The following SKP2 variants were observed in gnomAD, a reference collection of about 807,000 sequenced individuals.
SKP2 encodes the protein S-phase kinase-associated protein 2.
SKP2 carries 16 observed loss-of-function variants against 51.8 expected under a neutral mutation model. The observed-to-expected ratio is 0.31, with a 90% CI of 0.21 to 0.47. SKP2 has a LOEUF of 0.47. Among genes scored for constraint, SKP2 ranks in the 20% least tolerant of loss-of-function variants. The pLI, the probability that SKP2 is intolerant of heterozygous loss-of-function variation, is 1.00. For missense variants in SKP2, 377 were observed against 505.3 expected, an observed-to-expected ratio of 0.75 and a Z score of 2.43; for synonymous variants, 176 against 198.6, an observed-to-expected ratio of 0.89 and a Z score of 0.96.
At chr5:36,162,691 T>C (rs1374719686) in intron 2 of SKP2, among the ~76,000 whole-genome samples, 1 of 152,216 alleles carries the variant, frequency 6.6e-6, no homozygotes, top group African/African-American at 2.4e-5. Flanking sequence ...TACCCTTTTG[T>C]ATTGCTCTTT....
chr5:36,182,850 T>G lies in SKP2; in HGVS notation c.*819T>G. On this transcript the variant is annotated 3_prime_UTR_variant, in exon 10 of 10. Transcript: ENST00000274255. ...TCCTTTAGCTTTTAAAATGACTTGC[T>G]TTGTTTTAGAAAGGTGGTATTAATC... is the stretch of plus-strand genomic sequence containing the variant. 1 of 984,972 alleles carries G rather than the reference T, an allele frequency of 1.0e-6. No homozygotes were observed. The allele number at this position is 984,972 out of a possible 1,614,324, so 61.0% of individuals were successfully genotyped here.
chr5:36,178,991 A>C (rs529168562), intron 9 of SKP2, among the ~76,000 whole-genome samples: 6 of 152,208 alleles, frequency 3.9e-5, no homozygotes, highest in African/African-American at 1.4e-4. Flanking sequence ...GAAGTCACAG[A>C]CCTGTTGTGA....
At chr5:36,186,819 T>G (rs2112023410), downstream of SKP2, among the ~76,000 whole-genome samples, 1 of 152,330 alleles carries the variant, frequency 6.6e-6, no homozygotes, top group South Asian at 2.1e-4. Flanking sequence ...GAAGGAATGG[T>G]ACCAGCTCCT....
intron 2 of SKP2, among the ~76,000 whole-genome samples, chr5:36,158,533 T>C (rs1745023684): frequency 6.6e-6 from 1 of 152,230 alleles, no homozygotes; most frequent in Admixed American, 6.5e-5. Context: ...GTGTGTTTTC[T>C]AGGACCTTGC....
At position 36,171,623 on chromosome 5, in the gene SKP2, C is replaced by T; in HGVS notation, c.791C>T (p.Ser264Phe). Residue 264 changes from serine to phenylalanine, a missense_variant, in exon 7 of 10, where the codon TCC becomes TTC. Coordinates refer to ENST00000274255, the MANE Select transcript of SKP2 (RefSeq NM_005983.4). ...SCSRLDELNL[S>F]WCFDFTEKHV... ...TGCAGACTGGATGAGCTGAACCTCT[C>T]CTGGTGTTTTGATTTCACTGAAAAG... 6.2e-7 allele frequency: 1 copy of T among 1,613,806 alleles called. No homozygotes were observed. The highest frequency in any genetic ancestry group is 8.5e-7 in the Non-Finnish European group (1 of 1,179,752).
Position 36,183,063 on chromosome 5 carries a change from A to C in SKP2, c.*1032A>C. On this transcript the variant is annotated 3_prime_UTR_variant, in exon 10 of 10. Coordinates refer to ENST00000274255, the MANE Select transcript of SKP2 (RefSeq NM_005983.4). ...ATCCATATATAAGGTTATCAGACCT[A>C]CAGTTCCCTAAGAGGAACTGCATGT... 1.0e-6 allele frequency: 1 copy of C among 969,750 alleles called. No homozygotes were observed. The highest frequency in any genetic ancestry group is 1.2e-6 in the Non-Finnish European group (1 of 815,688). The allele number at this position is 969,750 out of a possible 1,614,324, so 60.1% of individuals were successfully genotyped here. A position where few individuals can be genotyped will look rare whatever the true frequency, so the allele number is the denominator to read the frequency against.
Position 36,176,960 on chromosome 5 carries a change from C to G in SKP2, c.902-5C>G. On this transcript the variant is annotated splice_polypyrimidine_tract_variant and splice_region_variant and intron_variant, in intron 7 of 9. Coordinates refer to ENST00000274255, the MANE Select transcript of SKP2 (RefSeq NM_005983.4). The stretch of plus-strand genomic sequence containing the variant: ...GTGACCATCATGTTTTTTTGCTTTT[C>G]CTAGATCTCTCTACTTTAGTTAGAA... The G allele has an allele frequency of 6.3e-7, 1 of 1,580,950 alleles. No individual in the cohort carries two copies. The highest frequency in any genetic ancestry group is 2.2e-5 in the East Asian group (1 of 44,656).
At chr5:36,191,837 A>AAAG (rs1746031310) in intron 6 of SKP2, among the ~76,000 whole-genome samples, 1 of 149,494 alleles carries the variant, frequency 6.7e-6, no homozygotes, top group Non-Finnish European at 1.5e-5. Context: ...CCAGAAAATC[A>AAAG]AAGTTTTCTT....
chr5:36,152,121 G>A lies in SKP2; in HGVS notation c.-142G>A. ...GAGCCTTGCGCGCGCAGTGGGGATG[G>A]AACGTTGCTAGGCTTAGCGGGTCTG... is the stretch of plus-strand genomic sequence containing the variant. On this transcript the variant is annotated 5_prime_UTR_variant, in exon 1 of 10. Coordinates refer to ENST00000274255, the MANE Select transcript of SKP2 (RefSeq NM_005983.4). 2.4e-6 allele frequency: 2 copies of A among 827,708 alleles called. No homozygotes were observed. The highest frequency in any genetic ancestry group is 2.0e-6 in the Non-Finnish European group (1 of 492,736). 51.3% of individuals were successfully genotyped at this position (827,708 alleles called of 1,614,324 possible).
intron 5 of SKP2, among the ~76,000 whole-genome samples, chr5:36,170,141 A>G (rs533474974): frequency 6.6e-6 from 1 of 152,292 alleles, no homozygotes; most frequent in African/African-American, 2.4e-5. Flanking sequence ...TAACTCTGCC[A>G]AGAAGTTTGA....
intron 7 of SKP2, among the ~76,000 whole-genome samples, chr5:36,172,771 G>A (rs776475684): frequency 1.3e-5 from 2 of 152,064 alleles, no homozygotes; most frequent in Admixed American, 6.6e-5. Context: ...GTAGAAATTC[G>A]AGTCTTTCAC....
At position 36,183,397 on chromosome 5, in the gene SKP2, G is replaced by A. The variant is rs1343022069; in HGVS notation, c.*1366G>A. 4.2e-6 allele frequency: 1 copy of A among 240,080 alleles called. No homozygotes were observed. The highest frequency in any genetic ancestry group is 6.7e-6 in the Non-Finnish European group (1 of 148,954). The allele number at this position is 240,080 out of a possible 1,614,324, so 14.9% of individuals were successfully genotyped here. On this transcript the variant is annotated 3_prime_UTR_variant, in exon 10 of 10. Coordinates refer to ENST00000274255, the MANE Select transcript of SKP2 (RefSeq NM_005983.4). ...TTCTCCTGCCTCAGCCTCCCGACTA[G>A]CTGGGACTACAGGCGCCCACCACCA...
At chr5:36,154,651 C>T (rs1184337888) in intron 2 of SKP2, among the ~76,000 whole-genome samples, 1 of 152,202 alleles carries the variant, frequency 6.6e-6, no homozygotes, top group East Asian at 1.9e-4. Flanking sequence ...GCCTCAGCCT[C>T]CTAAGTAACT....
chr5:36,152,947 C>G lies in SKP2; in HGVS notation c.185C>G (p.Pro62Arg), dbSNP rs1305487575. ...PQELLSNLGHPESPPRKRLKS... is the reference protein window; with the variant it reads ...PQELLSNLGHRESPPRKRLKS... ...GAACTGCTCTCAAACCTGGGCCACC[C>G]GGAGAGCCCCCCACGGAAACGGCTG... Residue 62 changes from proline (P) to arginine (R), a missense_variant, in exon 2 of 10, where the codon CCG (proline) becomes CGG (arginine). By Grantham distance (103) the Pro-to-Arg change is moderately radical. Around this residue, in one of 2 missense-constraint regions of SKP2, gnomAD observed 115 missense variants for 115.5 expected, o/e 1.00. Coordinates refer to ENST00000274255, the MANE Select transcript of SKP2 (RefSeq NM_005983.4). The G allele has an allele frequency of 6.2e-7, 1 of 1,613,966 alleles. No individual in the cohort carries two copies. Among genetic ancestry groups the G allele is most frequent in the Non-Finnish European group, 8.5e-7 (1 of 1,180,024 alleles).
intron 7 of SKP2, among the ~76,000 whole-genome samples, chr5:36,173,127 A>G (rs1745525904): frequency 6.6e-6 from 1 of 151,856 alleles, no homozygotes; most frequent in African/African-American, 2.4e-5. Context: ...TGACTACATG[A>G]TGTCATCATC....
At chr5:36,174,896 GGA>G (rs1408406219) in intron 7 of SKP2, among the ~76,000 whole-genome samples, 3 of 152,092 alleles carry the variant, frequency 2.0e-5, no homozygotes, top group African/African-American at 4.8e-5. Flanking sequence ...GAGGGAGCAG[GGA>G]GAACAGTGAG....
chr5:36,160,971 A>T (rs1254443598), intron 2 of SKP2, among the ~76,000 whole-genome samples: 1 of 152,086 alleles, frequency 6.6e-6, no homozygotes, highest in Non-Finnish European at 1.5e-5. Flanking sequence ...GGGAACAGGC[A>T]TTCATTGAAC....
intron 6 of SKP2, among the ~76,000 whole-genome samples, chr5:36,189,386 G>A (rs554917922): frequency 2.6e-5 from 4 of 152,254 alleles, no homozygotes; most frequent in Admixed American, 2.0e-4. Flanking sequence ...TGATGGTGAC[G>A]TACAGATGGG....
At chr5:36,191,945 T>C (rs1746034612) in intron 6 of SKP2, among the ~76,000 whole-genome samples, 1 of 152,208 alleles carries the variant, frequency 6.6e-6, no homozygotes, top group South Asian at 2.1e-4. Context: ...AGTTACTATG[T>C]TTTAGCAAAT....
Sources: gnomAD v4.1 joint callset for allele counts (sites outside exome capture counted in the v4.1 genomes callset) on GRCh38, gnomAD v4.1.1 for gene constraint, gnomAD v4.1.1 regional missense constraint, MANE v1.5 for transcripts, NCBI Gene and HGNC (gene_info 2026-07-23, HGNC 2026-07-21) for gene names.